The following DMGDH variants were observed in gnomAD, a reference collection of about 807,000 sequenced individuals.
DMGDH encodes the protein dimethylglycine dehydrogenase, mitochondrial.
In DMGDH, 76 loss-of-function variants were observed where a neutral mutation model predicts 95.2. That is an observed-to-expected ratio of 0.80 (90% CI 0.66 to 0.97). The LOEUF is 0.97. Ranked by LOEUF, DMGDH falls within the 50% of genes least tolerant of loss-of-function variation. The pLI is 0.00. For synonymous variants in DMGDH, 345 were observed against 377.6 expected, an observed-to-expected ratio of 0.91 and a Z score of 1.00; for missense variants, 987 against 1,055.0, an observed-to-expected ratio of 0.94 and a Z score of 0.89.
At chr5:79,054,371 A>G in intron 3 of DMGDH, 23 bp from the exon 4 acceptor site, 5 of 1,613,280 alleles carry the variant, frequency 3.1e-6, no homozygotes, top group Non-Finnish European at 4.2e-6. Flanking sequence ...TTCCAGTGAG[A>G]GCATATAAAT....
chr5:79,004,525 G>GTC (rs1753509675), intron 15 of DMGDH, among the ~76,000 whole-genome samples: 1 of 152,150 alleles, frequency 6.6e-6, no homozygotes, highest in Admixed American at 6.5e-5. Flanking sequence ...CCTCCCCATG[G>GTC]TCTAAGCTGG....
intron 14 of DMGDH, among the ~76,000 whole-genome samples, chr5:79,010,516 C>T (rs1753630810): frequency 6.6e-6 from 1 of 152,148 alleles, no homozygotes; most frequent in Non-Finnish European, 1.5e-5. Context: ...TTTCAAAACT[C>T]AGCTCAAGCA....
chr5:79,032,648 C>T, intron 9 of DMGDH, 39 bp downstream of exon 9: 1 of 1,613,898 alleles, frequency 6.2e-7, no homozygotes. Flanking sequence ...TGTTTCACCC[C>T]TCGGTCAGAA....
In DMGDH at chr5:79,069,624, T is replaced by G; in HGVS notation, c.-4A>C. ...GCTGCGCGCCGGGACGGAGCATGAC[T>G]AGGCCGAGGCCGAGGGCGCAGGCGC... On this transcript the variant is annotated 5_prime_UTR_variant, in exon 1 of 16. Transcript: ENST00000255189. 1 of 1,371,820 alleles carries G rather than the reference T, an allele frequency of 7.3e-7. No homozygotes were observed. The highest frequency in any genetic ancestry group is 9.4e-7 in the Non-Finnish European group (1 of 1,062,100). The allele number at this position is 1,371,820 out of a possible 1,614,324, so 85.0% of individuals were successfully genotyped here. A position where few individuals can be genotyped will look rare whatever the true frequency, so the allele number is the denominator to read the frequency against.
intron 5 of DMGDH, among the ~76,000 whole-genome samples, chr5:79,049,005 A>G (rs1754759665): frequency 6.6e-6 from 1 of 152,212 alleles, no homozygotes. Context: ...GGCAAAAAGC[A>G]CAAGAACAAG....
chr5:79,015,457 ATACACTCC>A, intron 14 of DMGDH, among the ~76,000 whole-genome samples: 1 of 152,180 alleles, frequency 6.6e-6, no homozygotes, highest in Non-Finnish European at 1.5e-5. Flanking sequence ...GTTCTCCAGG[ATACACTCC>A]AAATTCCTTA....
At chr5:79,050,273 A>AAAATATATATAT (rs1554037270) in intron 5 of DMGDH, among the ~76,000 whole-genome samples, 1 of 20,916 alleles carries the variant, frequency 4.8e-5, no homozygotes, top group Non-Finnish European at 9.3e-5. Flanking sequence ...AAAAAAAAAA[A>AAAATATATATAT]ATATATATAT....
At chr5:79,034,621 T>A (rs1256794169) in intron 7 of DMGDH, among the ~76,000 whole-genome samples, 2 of 152,050 alleles carry the variant, frequency 1.3e-5, no homozygotes, top group Non-Finnish European at 2.9e-5. Flanking sequence ...AATGCTAGTA[T>A]CCCCAACAAC....
At chr5:79,020,583 G>T in intron 14 of DMGDH, 3 of 866,680 alleles carry the variant, frequency 3.5e-6, no homozygotes, top group Non-Finnish European at 4.2e-6. Flanking sequence ...GGGTTGTTTT[G>T]TTTTTGGTTA....
At chr5:79,047,890 A>C (rs367634859) in intron 5 of DMGDH, among the ~76,000 whole-genome samples, 2 of 152,276 alleles carry the variant, frequency 1.3e-5, no homozygotes, top group African/African-American at 4.8e-5. Context: ...CCTGAATTAG[A>C]ATCTTTTTGA....
intron 6 of DMGDH, 101 bp downstream of exon 6, chr5:79,044,203 C>T: frequency 2.6e-6 from 4 of 1,539,976 alleles, no homozygotes; most frequent in East Asian, 2.2e-5. Context: ...ATCTGAAAGT[C>T]TAGTATTATG....
intron 15 of DMGDH, among the ~76,000 whole-genome samples, chr5:79,001,293 G>T (rs566747265): frequency 6.6e-6 from 1 of 152,290 alleles, no homozygotes; most frequent in African/African-American, 2.4e-5. Flanking sequence ...CTCCTGAGTA[G>T]CTGGGACTAC....
chr5:79,069,517 C>A lies in DMGDH; in HGVS notation c.101+3G>T. ...CCTCTGAGCAGGACGGGGCCCCACT[C>A]ACCCTTCCCGGCCGCAGACAGAGCG... On this transcript the variant is annotated splice_donor_region_variant and intron_variant, in intron 1 of 15. Transcript: ENST00000255189. The A allele has an allele frequency of 7.8e-7, 1 of 1,286,480 alleles. No individual in the cohort carries two copies. Among genetic ancestry groups the A allele is most frequent in the South Asian group, 2.5e-5 (1 of 40,156 alleles). The allele number at this position is 1,286,480 out of a possible 1,614,324, so 79.7% of individuals were successfully genotyped here. A position where few individuals can be genotyped will look rare whatever the true frequency, so the allele number is the denominator to read the frequency against.
At chr5:79,061,747 C>T (rs1485355283) in intron 2 of DMGDH, among the ~76,000 whole-genome samples, 1 of 151,880 alleles carries the variant, frequency 6.6e-6, no homozygotes, top group African/African-American at 2.4e-5. Context: ...TAGTGAGACC[C>T]CCATTTCTAA....
chr5:79,059,305 C>T (rs990548657), intron 2 of DMGDH, among the ~76,000 whole-genome samples: 1 of 152,190 alleles, frequency 6.6e-6, no homozygotes, highest in African/African-American at 2.4e-5. Context: ...TTTGAGACTG[C>T]TTTCAATGGT....
intron 2 of DMGDH, among the ~76,000 whole-genome samples, chr5:79,063,309 G>C (rs925722863): frequency 6.6e-6 from 1 of 152,028 alleles, no homozygotes; most frequent in Non-Finnish European, 1.5e-5. Context: ...TATTAGGTAA[G>C]TACTATTAAT....
At chr5:79,069,323 G>C (rs1485772807) in intron 1 of DMGDH, among the ~76,000 whole-genome samples, 197 bp downstream of exon 1, 2 of 152,240 alleles carry the variant, frequency 1.3e-5, no homozygotes, top group African/African-American at 4.8e-5. Context: ...TGGCCAAGGG[G>C]ATTGGGGCAG....
intron 1 of DMGDH, 81 bp from the exon 2 acceptor site, chr5:79,063,868 G>A (rs569674827): frequency 1.7e-5 from 23 of 1,363,452 alleles, no homozygotes; most frequent in Admixed American, 5.1e-5. Context: ...CCCCTTACCC[G>A]TTTCTCTAGT....
At chr5:79,020,645 A>G (rs1289567340) in intron 14 of DMGDH, 7 of 963,974 alleles carry the variant, frequency 7.3e-6, no homozygotes, top group African/African-American at 5.3e-5. Context: ...TGCATTTTCT[A>G]GAATCAACAT....
Sources: gnomAD v4.1 joint callset for allele counts (sites outside exome capture counted in the v4.1 genomes callset) on GRCh38, gnomAD v4.1.1 for gene constraint, MANE v1.5 for transcripts, NCBI Gene and HGNC (gene_info 2026-07-23, HGNC 2026-07-21) for gene names.